C8orf88: variants seen among roughly 807,000 people sequenced by gnomAD.
C8orf88 encodes the protein chromosome 8 open reading frame 88.
Under a neutral mutation model 18.4 loss-of-function variants are expected in C8orf88, and 14 were observed. The ratio of observed to expected loss-of-function variants is 0.76; its 90% CI spans 0.50 to 1.19. The LOEUF is 1.19. C8orf88 is among the 50% of genes most tolerant of loss of function. The pLI is 0.00. For missense variants in C8orf88, 116 were observed against 134.7 expected (o/e 0.86, Z 0.69); for synonymous variants, 45 against 42.9 (o/e 1.05, Z -0.19).
At chr8:90,983,076 T>C (rs1465366504) in intron 1 of C8orf88, among the ~76,000 whole-genome samples, 1 of 152,092 alleles carries the variant, frequency 6.6e-6, no homozygotes, top group African/African-American at 2.4e-5. Flanking sequence ...ATCAAAAAGT[T>C]TCCCTTGAAG....
intron 4 of C8orf88, among the ~76,000 whole-genome samples, chr8:90,963,420 A>C (rs1433698912): frequency 6.6e-6 from 1 of 151,692 alleles, no homozygotes; most frequent in East Asian, 1.9e-4. Context: ...CACAACAAAA[A>C]TTATAAAGCA....
At chr8:90,967,096 G>T (rs568825561) in intron 4 of C8orf88, among the ~76,000 whole-genome samples, 10 of 151,896 alleles carry the variant, frequency 6.6e-5, no homozygotes, top group African/African-American at 2.4e-4. Flanking sequence ...ATTGAAAAAA[G>T]AAACAGTGAA....
chr8:90,960,878 T>C (rs1209051122), intron 4 of C8orf88, 30 bp from the exon 5 acceptor site: 1 of 1,235,638 alleles, frequency 8.1e-7, no homozygotes, highest in Non-Finnish European at 1.1e-6. Flanking sequence ...AATATAATGT[T>C]AGGAAATGTA....
At chr8:90,971,209 C>T (rs1811278740) in intron 3 of C8orf88, 68 bp from the exon 4 acceptor site, 3 of 811,272 alleles carry the variant, frequency 3.7e-6, no homozygotes, top group Admixed American at 3.2e-5. Context: ...AGTTTAACTA[C>T]CCAAAAATAT....
chr8:90,975,293 G>A (rs1409500068), intron 3 of C8orf88, among the ~76,000 whole-genome samples: 1 of 152,074 alleles, frequency 6.6e-6, no homozygotes, highest in Non-Finnish European at 1.5e-5. Context: ...TAAAGCTACA[G>A]TAGACTATAA....
chr8:90,969,177 G>C (rs1811248592), intron 4 of C8orf88, among the ~76,000 whole-genome samples: 1 of 151,806 alleles, frequency 6.6e-6, no homozygotes, highest in Admixed American at 6.6e-5. Context: ...AATGTCCACA[G>C]CAATATTATT....
At chr8:90,981,996 AAT>A (rs1471930477) in intron 1 of C8orf88, among the ~76,000 whole-genome samples, 1 of 152,152 alleles carries the variant, frequency 6.6e-6, no homozygotes, top group African/African-American at 2.4e-5. Flanking sequence ...CTATTTTTTA[AAT>A]ATCTTTGGAC....
At position 90,980,398 on chromosome 8, in the gene C8orf88, G is replaced by A. The variant is rs1811415696; in HGVS notation, c.38C>T (p.Pro13Leu). Residue 13 changes from proline to leucine, a missense_variant, in exon 2 of 6, where the codon CCA (proline) becomes CTA (leucine). Pro to Leu is a moderately conservative substitution (Grantham distance 98). Coordinates refer to ENST00000517562, the MANE Select transcript of C8orf88 (RefSeq NM_001190972.2). ...TKKLIGKPLQ[P>L]ARPVRHLTSP... ...AGTCAGATGACGAACAGGTCTTGCT[G>A]GTTGAAGCGGTTTACCAATTAATTT... 11 of 1,533,564 alleles carry A rather than the reference G, an allele frequency of 7.2e-6. No individual in the cohort carries two copies. The highest frequency in any genetic ancestry group is 2.4e-5 in the South Asian group (2 of 83,546). The allele number at this position is 1,533,564 out of a possible 1,614,324, so 95.0% of individuals were successfully genotyped here. A position where few individuals can be genotyped will look rare whatever the true frequency, so the allele number is the denominator to read the frequency against.
chr8:90,983,574 T>C (rs188106422), intron 1 of C8orf88, among the ~76,000 whole-genome samples: 144 of 152,304 alleles, frequency 9.5e-4, no homozygotes, highest in African/African-American at 3.4e-3. Flanking sequence ...AGCAGATACA[T>C]TGACCACTTT....
chr8:90,964,274 CAG>C (rs1811165171), intron 4 of C8orf88, among the ~76,000 whole-genome samples: 1 of 151,586 alleles, frequency 6.6e-6, no homozygotes, highest in Non-Finnish European at 1.5e-5. Flanking sequence ...GTCAGAAAGA[CAG>C]TAGCAATTCA....
chr8:90,970,024 G>A (rs1811261092), intron 4 of C8orf88, among the ~76,000 whole-genome samples: 1 of 151,844 alleles, frequency 6.6e-6, no homozygotes, highest in African/African-American at 2.4e-5. Flanking sequence ...AGTTGTTGGA[G>A]CATTTTAGTA....
Position 90,980,373 on chromosome 8 carries a change from A to T in C8orf88, c.63T>A (p.Thr21=). The T allele has an allele frequency of 6.5e-7, 1 of 1,529,948 alleles. No individual in the cohort carries two copies. The highest frequency in any genetic ancestry group is 8.7e-7 in the Non-Finnish European group (1 of 1,144,588). The allele number at this position is 1,529,948 out of a possible 1,614,324, so 94.8% of individuals were successfully genotyped here. ...LQPARPVRHL[T]SPPGAVFPFN... ...CAATCTATTACTCACCTGGGGGAGA[A>T]GTCAGATGACGAACAGGTCTTGCTG... Residue 21 remains threonine (T), a synonymous_variant, in exon 2 of 6, where the codon ACT becomes ACA. Transcript: ENST00000517562.
intron 4 of C8orf88, among the ~76,000 whole-genome samples, chr8:90,965,470 C>T (rs1041306525): frequency 2.6e-5 from 4 of 151,616 alleles, no homozygotes; most frequent in African/African-American, 9.7e-5. Context: ...AGAAGATCAA[C>T]AAGAAAACAG....
intron 4 of C8orf88, among the ~76,000 whole-genome samples, chr8:90,965,879 CAG>C (rs1439514688): frequency 6.6e-6 from 1 of 151,684 alleles, no homozygotes; most frequent in African/African-American, 2.4e-5. Flanking sequence ...GCAGCAAAAA[CAG>C]TGTTCAGATC....
intron 3 of C8orf88, 38 bp from the exon 4 acceptor site, chr8:90,971,179 T>A: frequency 8.3e-7 from 1 of 1,207,048 alleles, no homozygotes; most frequent in Non-Finnish European, 1.1e-6. Flanking sequence ...TTAACTCAGG[T>A]TTTAAAATTT....
chr8:90,981,590 G>T (rs1811436081), intron 1 of C8orf88, among the ~76,000 whole-genome samples: 1 of 151,954 alleles, frequency 6.6e-6, no homozygotes, highest in Admixed American at 6.6e-5. Context: ...CTCCTTCACT[G>T]GTCCCTACTG....
chr8:90,984,840 C>G (rs1198813309), intron 1 of C8orf88, among the ~76,000 whole-genome samples: 2 of 152,172 alleles, frequency 1.3e-5, no homozygotes, highest in Non-Finnish European at 2.9e-5. Context: ...TTGGCGATGG[C>G]TTTGGTCTCG....
In C8orf88 at chr8:90,974,236, C is replaced by T. The variant is rs114231557; in HGVS notation, c.148-3095G>A. Among the ~76,000 whole-genome samples the T allele has an allele frequency of 1.7e-3, 257 of 152,226 alleles. 1 individual carries two copies. Among genetic ancestry groups the T allele is most frequent in the African/African-American group, 6.0e-3 (250 of 41,544 alleles). ...ACCAATATACATTTCAGAAGTGACACAGTGCTAGTTTCCAGTCCCAGATAT... is the reference window on the plus strand; with the variant it reads ...ACCAATATACATTTCAGAAGTGACATAGTGCTAGTTTCCAGTCCCAGATAT... On this transcript the variant is annotated intron_variant, in intron 3 of 5. Transcript: ENST00000517562.
At position 90,970,930 on chromosome 8, in the gene C8orf88, C is replaced by T. The variant is rs565013161; in HGVS notation, c.223+136G>A. The T allele has an allele frequency of 8.7e-5, 44 of 508,530 alleles. 1 individual carries two copies. The highest frequency in any genetic ancestry group is 8.5e-4 in the African/African-American group (43 of 50,618). 31.5% of individuals were successfully genotyped at this position (508,530 alleles called of 1,614,324 possible). ...AAGCAGTCAAAGTGGTAGCCTGACTCATATAGATAGAAATCAATCAAAAAA... is the reference window on the plus strand; with the variant it reads ...AAGCAGTCAAAGTGGTAGCCTGACTTATATAGATAGAAATCAATCAAAAAA... On this transcript the variant is annotated intron_variant, in intron 4 of 5. Coordinates refer to ENST00000517562, the MANE Select transcript of C8orf88 (RefSeq NM_001190972.2).
Sources: allele counts gnomAD v4.1 joint callset (sites outside exome capture counted in the v4.1 genomes callset), GRCh38; gene constraint gnomAD v4.1.1; transcripts MANE v1.5; gene names NCBI Gene and HGNC (gene_info 2026-07-23, HGNC 2026-07-21).